CNNM1: variants seen among roughly 807,000 people sequenced by gnomAD.
CNNM1 encodes metal transporter CNNM1.
Under a neutral mutation model 78.8 loss-of-function variants are expected in CNNM1, and 44 were observed. The observed-to-expected ratio is 0.56, with a 90% CI of 0.44 to 0.72. The LOEUF (loss-of-function observed/expected upper bound fraction) is 0.72, where lower values mean the gene tolerates loss of function less well. Ranked by LOEUF, CNNM1 falls within the 30% of genes least tolerant of loss-of-function variation. The probability of loss-of-function intolerance (pLI) is 0.00; values close to 1 mark genes in which losing one functional copy is unlikely to be tolerated. For missense variants in CNNM1, 1,101 were observed against 1,292.2 expected, an observed-to-expected ratio of 0.85 and a Z score of 2.27; for synonymous variants, 584 against 581.5, an observed-to-expected ratio of 1.00 and a Z score of -0.06.
chr10:99,340,044 G>A (rs1589886185), intron 1 of CNNM1, among the ~76,000 whole-genome samples: 1 of 152,302 alleles, frequency 6.6e-6, no homozygotes, highest in South Asian at 2.1e-4. Context: ...GTAATGAGAT[G>A]CTTACTTTCT....
intron 6 of CNNM1, among the ~76,000 whole-genome samples, chr10:99,367,905 C>T (rs1409861253): frequency 1.3e-5 from 2 of 152,070 alleles, no homozygotes; most frequent in African/African-American, 2.4e-5. Context: ...CTACCCGGGC[C>T]CCCCAGTGAT....
rs746518808 is a variant in CNNM1 at position 99,377,163 on chromosome 10, A to G, written c.2285A>G (p.Asn762Ser). ...SNTQLYSSSN[N>S]LYMPDYSVHI... ...ACCCAGCTGTACAGCAGCAGCAACA[A>G]CCTCTACATGCCTGACTACTCAGTC... Residue 762 changes from asparagine to serine, a missense_variant, in exon 7 of 11, where the codon AAC becomes AGC. Transcript: ENST00000356713. 1.2e-6 allele frequency: 2 copies of G among 1,613,076 alleles called. No individual in the cohort carries two copies. Among genetic ancestry groups the G allele is most frequent in the Non-Finnish European group, 1.7e-6 (2 of 1,179,680 alleles).
intron 6 of CNNM1, among the ~76,000 whole-genome samples, chr10:99,369,887 A>G (rs542094187): frequency 2.6e-5 from 4 of 152,316 alleles, no homozygotes; most frequent in East Asian, 1.9e-4. Context: ...TGGACCTTCA[A>G]GTTCCTTCAC....
At chr10:99,348,656 G>A (rs1183269093) in intron 1 of CNNM1, among the ~76,000 whole-genome samples, 3 of 152,228 alleles carry the variant, frequency 2.0e-5, no homozygotes, top group African/African-American at 4.8e-5. Context: ...CGGAGGAAGA[G>A]CAGGGGCAAT....
chr10:99,368,471 A>G (rs2031694107), intron 6 of CNNM1: 1 of 376,966 alleles, frequency 2.7e-6, no homozygotes, highest in African/African-American at 2.1e-5. Flanking sequence ...CTGTGTTTTC[A>G]GAGTCAAGAT....
intron 3 of CNNM1, 105 bp from the exon 4 acceptor site, chr10:99,362,122 C>T: frequency 9.4e-7 from 1 of 1,064,638 alleles, no homozygotes; most frequent in Non-Finnish European, 1.3e-6. Flanking sequence ...GGTACAGGCA[C>T]AGGGGTCCCA....
intron 6 of CNNM1, among the ~76,000 whole-genome samples, chr10:99,375,056 G>A (rs959445043): frequency 6.6e-6 from 1 of 152,104 alleles, no homozygotes; most frequent in African/African-American, 2.4e-5. Context: ...GAGGAGGTGG[G>A]GTGGGGAAGG....
chr10:99,354,960 G>A (rs181953809), intron 1 of CNNM1, among the ~76,000 whole-genome samples: 1 of 152,244 alleles, frequency 6.6e-6, no homozygotes, highest in Non-Finnish European at 1.5e-5. Flanking sequence ...TGAAGGTTAG[G>A]TTGAAGGTGG....
intron 1 of CNNM1, among the ~76,000 whole-genome samples, chr10:99,349,980 C>T (rs2030873687): frequency 6.6e-6 from 1 of 152,112 alleles, no homozygotes; most frequent in Non-Finnish European, 1.5e-5. Flanking sequence ...GCCTGAGCAA[C>T]AGAGTGAGAC....
At chr10:99,358,634 G>C (rs2031312303) in intron 2 of CNNM1, among the ~76,000 whole-genome samples, 1 of 152,180 alleles carries the variant, frequency 6.6e-6, no homozygotes, top group Non-Finnish European at 1.5e-5. Flanking sequence ...AGGTGGGCCA[G>C]GCCTTGGCAA....
chr10:99,377,622 G>T (rs1271823584), intron 7 of CNNM1, among the ~76,000 whole-genome samples: 2 of 152,310 alleles, frequency 1.3e-5, no homozygotes, highest in South Asian at 2.1e-4. Flanking sequence ...AAAGTGATGT[G>T]TAGAAGAAAC....
chr10:99,368,728 G>C, intron 6 of CNNM1: 2 of 1,255,004 alleles, frequency 1.6e-6, no homozygotes, highest in South Asian at 1.2e-5. Context: ...AGAGGGGTTT[G>C]CAAGAAGCCT....
rs765271698 is a variant in CNNM1, at chr10:99,391,431, T to A, written c.2777-6T>A. On this transcript the variant is annotated splice_polypyrimidine_tract_variant and splice_region_variant and intron_variant, in intron 10 of 10. Transcript: ENST00000356713. The stretch of plus-strand genomic sequence containing the variant: ...CAGGCTGATACTTGCAACTTGTTTT[T>A]TTCAGGTGGCCAAAAAAGGAAGAGG... 1.2e-6 allele frequency: 2 copies of A among 1,613,254 alleles called. No homozygotes were observed. Among genetic ancestry groups the A allele is most frequent in the Non-Finnish European group, 1.7e-6 (2 of 1,179,374 alleles).
intron 3 of CNNM1, among the ~76,000 whole-genome samples, chr10:99,361,920 G>A (rs915561732): frequency 1.3e-5 from 2 of 152,176 alleles, no homozygotes; most frequent in African/African-American, 4.8e-5. Context: ...AGTTGTCCAT[G>A]TCCAATTTTA....
intron 9 of CNNM1, among the ~76,000 whole-genome samples, chr10:99,389,309 C>T (rs1370617919): frequency 1.3e-5 from 2 of 149,634 alleles, no homozygotes; most frequent in Admixed American, 6.8e-5. Flanking sequence ...CCCAGCTACT[C>T]GGAAGGCTGA....
rs771502721 is a variant in CNNM1, at chr10:99,330,096, G to T, written c.709G>T (p.Ala237Ser). The change falls in exon 1 of 11, where the codon GCC becomes TCC. Residue 237 changes from alanine to serine, a missense_variant. Ala to Ser is a moderately conservative substitution (Grantham distance 99, BLOSUM62 1). This residue lies in a region of CNNM1 where 476 missense variants were observed against 484.5 expected (regional missense o/e 0.98). Coordinates refer to ENST00000356713, the MANE Select transcript of CNNM1 (RefSeq NM_020348.3). ...GGCGCTCCTGCTGCTAGCCTTGTCG[G>T]CCCTGTTCAGCGGCCTGCGCCTGAG... ...LGALLLLALS[A>S]LFSGLRLSLL... 2 of 1,547,530 alleles carry T rather than the reference G, an allele frequency of 1.3e-6. No individual in the cohort carries two copies. Among genetic ancestry groups the T allele is most frequent in the Non-Finnish European group, 1.7e-6 (2 of 1,154,434 alleles).
intron 7 of CNNM1, among the ~76,000 whole-genome samples, chr10:99,379,032 A>G (rs1027441469): frequency 6.6e-6 from 1 of 152,264 alleles, no homozygotes; most frequent in Non-Finnish European, 1.5e-5. Flanking sequence ...AAGCCTTCTC[A>G]TTGCTAATGC....
intron 5 of CNNM1, 66 bp downstream of exon 5, chr10:99,364,582 A>T: frequency 7.9e-7 from 1 of 1,269,722 alleles, no homozygotes. Context: ...ACAGGGGTTC[A>T]AGTCTTGACT....
chr10:99,338,314 G>A (rs1389279728), intron 1 of CNNM1, among the ~76,000 whole-genome samples: 1 of 94,124 alleles, frequency 1.1e-5, no homozygotes, highest in Non-Finnish European at 2.3e-5. Flanking sequence ...TTTTTTTTTT[G>A]AGATGGAGTC....
Sources: gnomAD v4.1 joint callset for allele counts (sites outside exome capture counted in the v4.1 genomes callset) on GRCh38, gnomAD v4.1.1 for gene constraint, gnomAD v4.1.1 regional missense constraint, MANE v1.5 for transcripts, NCBI Gene and HGNC (gene_info 2026-07-23, HGNC 2026-07-21) for gene names.